TGFBRAP1: variants seen among roughly 807,000 people sequenced by gnomAD.
TGFBRAP1 encodes the protein transforming growth factor beta receptor associated protein 1.
TGFBRAP1 carries 20 observed loss-of-function variants against 83.2 expected under a neutral mutation model. That is an observed-to-expected ratio of 0.24 (90% CI 0.17 to 0.35). The LOEUF (loss-of-function observed/expected upper bound fraction) is 0.35. Among genes scored for constraint, TGFBRAP1 ranks in the 10% least tolerant of loss-of-function variants. The probability of loss-of-function intolerance (pLI) is 1.00; values close to 1 mark genes in which losing one functional copy is unlikely to be tolerated. For missense variants in TGFBRAP1, 950 were observed against 1,099.4 expected (o/e 0.86, Z 1.92); for synonymous variants, 415 against 459.8 (o/e 0.90, Z 1.25).
In TGFBRAP1 at chr2:105,284,448, G is replaced by A. The variant is rs755877467; in HGVS notation, c.1039-50C>T. On this transcript the variant is annotated intron_variant, in intron 4 of 11. Coordinates refer to ENST00000393359, the MANE Select transcript of TGFBRAP1 (RefSeq NM_004257.6). ...TCTTAGTGAATCTTGAAACCATCAC[G>A]GCAGGGTTAAATTTGTCTAACCCTA... 93 of 1,560,246 alleles carry A rather than the reference G, an allele frequency of 6.0e-5. 1 individual carries two copies. The highest frequency in any genetic ancestry group is 7.4e-5 in the Non-Finnish European group (84 of 1,131,830).
intron 1 of TGFBRAP1, among the ~76,000 whole-genome samples, chr2:105,319,417 C>T (rs957465000): frequency 6.8e-5 from 10 of 147,872 alleles, no homozygotes; most frequent in East Asian, 4.2e-4. Flanking sequence ...GTAGGCCAGG[C>T]GCAGTGGCTC....
chr2:105,252,898 G>T, the TGFBRAP1 span, among the ~76,000 whole-genome samples: 1 of 149,172 alleles, frequency 6.7e-6, no homozygotes, highest in Non-Finnish European at 1.5e-5. Context: ...GACTACAGGG[G>T]TCCACCACCA....
the TGFBRAP1 span, among the ~76,000 whole-genome samples, chr2:105,251,126 T>TGTGG: frequency 6.6e-6 from 1 of 151,760 alleles, no homozygotes; most frequent in African/African-American, 2.4e-5. Context: ...TCGTCTGAGA[T>TGTGG]GTGGGGAGCG....
chr2:105,322,249 A>G lies in TGFBRAP1; in HGVS notation c.-18+7376T>C, dbSNP rs576179618. 3.9e-5 allele frequency among the ~76,000 whole-genome samples: 6 copies of G among 152,028 alleles called. No homozygotes were observed. The East Asian group carries it at 9.6e-4, about 24-fold the overall frequency. ...AAATATTTTTGTACAGCTATACAACATGTTTTCAGCTACATGTTATTACAA... is the reference window on the plus strand; with the variant it reads ...AAATATTTTTGTACAGCTATACAACGTGTTTTCAGCTACATGTTATTACAA... On this transcript the variant is annotated intron_variant, in intron 1 of 11. Coordinates refer to ENST00000393359, the MANE Select transcript of TGFBRAP1 (RefSeq NM_004257.6).
At chr2:105,298,413 A>C (rs1678155863) in intron 3 of TGFBRAP1, 98 bp downstream of exon 3, 40 of 1,321,702 alleles carry the variant, frequency 3.0e-5, no homozygotes, top group Non-Finnish European at 3.8e-5. Flanking sequence ...TGTATCTTTT[A>C]TGCTTAGCGC....
intron 6 of TGFBRAP1, 77 bp downstream of exon 6, chr2:105,280,305 G>A (rs781072696): frequency 4.3e-5 from 63 of 1,472,626 alleles, no homozygotes; most frequent in Admixed American, 6.0e-5. Flanking sequence ...GTCACTTCAC[G>A]AGGATCTCCC....
chr2:105,288,802 T>C (rs974057607), intron 4 of TGFBRAP1, among the ~76,000 whole-genome samples: 1 of 152,222 alleles, frequency 6.6e-6, no homozygotes, highest in African/African-American at 2.4e-5. Context: ...TGTGTCCTGA[T>C]TGAATAAATT....
chr2:105,318,291 G>C (rs1678947245), intron 1 of TGFBRAP1, among the ~76,000 whole-genome samples: 1 of 152,222 alleles, frequency 6.6e-6, no homozygotes, highest in South Asian at 2.1e-4. Flanking sequence ...AGAATCTTAA[G>C]GGAATGATGA....
At position 105,307,948 on chromosome 2, in the gene TGFBRAP1, C is replaced by T. The variant is rs757388302; in HGVS notation, c.354G>A (p.Gly118=). ...EPVPSGARIK[G]AATFALNENP... is the part of the protein sequence containing the mutation. The stretch of plus-strand genomic sequence containing the variant: ...TCTCGTTCAGTGCAAACGTGGCTGC[C>T]CCCTTGATGCGGGCCCCCGAAGGCA... Residue 118 remains glycine (G), a synonymous_variant, in exon 2 of 12, where the codon GGG becomes GGA. Coordinates refer to ENST00000393359, the MANE Select transcript of TGFBRAP1 (RefSeq NM_004257.6). 2.5e-6 allele frequency: 4 copies of T among 1,614,242 alleles called. No individual in the cohort carries two copies. Among genetic ancestry groups the T allele is most frequent in the South Asian group, 2.2e-5 (2 of 91,090 alleles).
intron 4 of TGFBRAP1, among the ~76,000 whole-genome samples, chr2:105,290,936 G>A (rs1448563435): frequency 6.6e-6 from 1 of 152,142 alleles, no homozygotes; most frequent in Non-Finnish European, 1.5e-5. Context: ...AACGCGGGAG[G>A]TGGAGGTTGC....
intron 8 of TGFBRAP1, among the ~76,000 whole-genome samples, chr2:105,274,673 G>A (rs536939261): frequency 3.3e-5 from 5 of 152,244 alleles, no homozygotes; most frequent in Non-Finnish European, 7.3e-5. Flanking sequence ...CTCTGCAGGC[G>A]TGTGCACAGA....
chr2:105,327,239 A>G (rs1017410619), intron 1 of TGFBRAP1: 1 of 152,124 alleles, frequency 6.6e-6, no homozygotes, highest in African/African-American at 2.4e-5. Context: ...CCTAACAGAA[A>G]TGTTAGCTGC....
chr2:105,282,090 C>T (rs1328963225), intron 5 of TGFBRAP1, among the ~76,000 whole-genome samples: 2 of 152,192 alleles, frequency 1.3e-5, no homozygotes, highest in Non-Finnish European at 2.9e-5. Context: ...GGGAAGATTC[C>T]TCCACTGGCT....
chr2:105,298,539 C>T lies in TGFBRAP1; in HGVS notation c.855G>A (p.Lys285=), dbSNP rs1321130249. The change falls in exon 3 of 12, where the codon AAG becomes AAA. Residue 285 remains lysine, a synonymous_variant. Transcript: ENST00000393359. The part of the protein sequence containing the change: ...DQQQKQTLPF[K]EGHILQDFEG... Reference sequence around the variant, plus strand: ...CAAAGTCCTGTAGGATATGGCCCTCCTTAAAGGGCAGCGTCTGCTTCTGTT... The same window carrying T: ...CAAAGTCCTGTAGGATATGGCCCTCTTTAAAGGGCAGCGTCTGCTTCTGTT... 4.3e-6 allele frequency: 7 copies of T among 1,610,828 alleles called. No homozygotes were observed. Among genetic ancestry groups the T allele is most frequent in the East Asian group, 4.5e-5 (2 of 44,788 alleles).
chr2:105,257,325 T>C, the TGFBRAP1 span, among the ~76,000 whole-genome samples: 28 of 152,334 alleles, frequency 1.8e-4, no homozygotes, highest in East Asian at 1.9e-4. Flanking sequence ...ATTTTAAGTG[T>C]ATAGTTCTGT....
At chr2:105,300,434 CTT>C (rs769660664) in intron 2 of TGFBRAP1, among the ~76,000 whole-genome samples, 5 of 119,028 alleles carry the variant, frequency 4.2e-5, no homozygotes, top group Admixed American at 1.8e-4. Context: ...GGAGTAAAAT[CTT>C]TTTTTTTTTT....
intron 1 of TGFBRAP1, among the ~76,000 whole-genome samples, chr2:105,315,981 A>T (rs1558654163): frequency 6.6e-6 from 1 of 152,198 alleles, no homozygotes; most frequent in African/African-American, 2.4e-5. Context: ...TAATTGTGGC[A>T]TATTTATACA....
chr2:105,268,262 G>A (rs35480043), intron 11 of TGFBRAP1, among the ~76,000 whole-genome samples: 5,766 of 152,226 alleles, frequency 0.038, 158 homozygotes, highest in Middle Eastern at 0.075. Flanking sequence ...AGATGCCTTC[G>A]ACATGGCAGG....
At chr2:105,278,051 C>T (rs1424404431) in intron 6 of TGFBRAP1, among the ~76,000 whole-genome samples, 1 of 148,574 alleles carries the variant, frequency 6.7e-6, no homozygotes, top group Non-Finnish European at 1.5e-5. Flanking sequence ...GGAGTGAGAC[C>T]CTGTCTCAAA....
Sources: gnomAD v4.1 joint callset for allele counts (sites outside exome capture counted in the v4.1 genomes callset) on GRCh38, gnomAD v4.1.1 for gene constraint, MANE v1.5 for transcripts, NCBI Gene and HGNC (gene_info 2026-07-23, HGNC 2026-07-21) for gene names.